The following ERC2 variants were observed in gnomAD, a reference collection of about 807,000 sequenced individuals.
ERC2 encodes ERC protein 2.
A neutral mutation model predicts 114.8 loss-of-function variants in ERC2; 42 were observed. That is an observed-to-expected ratio of 0.37 (90% CI 0.29 to 0.47). The LOEUF (loss-of-function observed/expected upper bound fraction) is 0.47, where lower values mean the gene tolerates loss of function less well. Ranked by LOEUF, ERC2 falls within the 20% of genes least tolerant of loss-of-function variation. ERC2 has a pLI of 0.99. For synonymous variants in ERC2, 454 were observed against 425.5 expected, an observed-to-expected ratio of 1.07 and a Z score of -0.82; for missense variants, 939 against 1,150.7, an observed-to-expected ratio of 0.82 and a Z score of 2.66.
intron 2 of ERC2, among the ~76,000 whole-genome samples, chr3:56,399,453 A>G (rs149505709): frequency 1.3e-5 from 2 of 152,302 alleles, no homozygotes; most frequent in Non-Finnish European, 2.9e-5. Flanking sequence ...ATGGGGAACC[A>G]AGCTGAAAAT....
chr3:55,999,262 T>C (rs2071844141), intron 10 of ERC2, among the ~76,000 whole-genome samples: 1 of 152,184 alleles, frequency 6.6e-6, no homozygotes, highest in East Asian at 1.9e-4. Flanking sequence ...ATAGTTAAGC[T>C]GCAGAAAGGT....
At chr3:56,332,594 G>C (rs2057676011) in intron 2 of ERC2, among the ~76,000 whole-genome samples, 1 of 152,214 alleles carries the variant, frequency 6.6e-6, no homozygotes, top group Non-Finnish European at 1.5e-5. Flanking sequence ...ATATGGGAGT[G>C]GGACACAATA....
chr3:55,806,708 A>C (rs2059507399), intron 14 of ERC2, among the ~76,000 whole-genome samples: 1 of 152,208 alleles, frequency 6.6e-6, no homozygotes, highest in South Asian at 2.1e-4. Flanking sequence ...TGTCCAGCCC[A>C]AAATGCCAAT....
intron 17 of ERC2, among the ~76,000 whole-genome samples, chr3:55,583,407 C>CTTCCTTCCTTCCTTCCTTCCTTCT (rs2057379443): frequency 7.5e-5 from 8 of 106,096 alleles, no homozygotes; most frequent in Non-Finnish European, 1.7e-4. Context: ...TCTTTCCTTC[C>CTTCCTTCCTTCCTTCCTTCCTTCT]TTCCTTCCTT....
At chr3:56,297,478 T>C (rs541375906) in intron 2 of ERC2, among the ~76,000 whole-genome samples, 2 of 152,126 alleles carry the variant, frequency 1.3e-5, no homozygotes, top group Non-Finnish European at 2.9e-5. Context: ...AGAAACAAAA[T>C]AGTTATCAGA....
intron 2 of ERC2, among the ~76,000 whole-genome samples, chr3:56,431,766 G>A (rs540238772): frequency 3.4e-4 from 51 of 152,072 alleles, no homozygotes; most frequent in African/African-American, 9.6e-5. Context: ...AAATCTCTGC[G>A]CTTCTTCCTC....
At chr3:56,429,908 T>A (rs891930736) in intron 2 of ERC2, among the ~76,000 whole-genome samples, 1 of 152,016 alleles carries the variant, frequency 6.6e-6, no homozygotes, top group African/African-American at 2.4e-5. Context: ...TGGGTTCAGC[T>A]CCCTTAGACA....
chr3:55,735,967 C>T (rs1467433746), intron 14 of ERC2, among the ~76,000 whole-genome samples: 1 of 152,162 alleles, frequency 6.6e-6, no homozygotes, highest in Non-Finnish European at 1.5e-5. Context: ...TTCTTTCCTT[C>T]TTTCTCTATC....
intron 2 of ERC2, among the ~76,000 whole-genome samples, chr3:56,309,870 C>T (rs983172242): frequency 2.6e-5 from 4 of 152,144 alleles, no homozygotes; most frequent in African/African-American, 9.7e-5. Context: ...CTCCCTCCTC[C>T]GATTTGGGCA....
intron 14 of ERC2, among the ~76,000 whole-genome samples, chr3:55,788,548 G>A (rs2069704321): frequency 6.6e-6 from 1 of 152,198 alleles, no homozygotes; most frequent in African/African-American, 2.4e-5. Flanking sequence ...GATACACTGA[G>A]TCAAGCATAT....
intron 14 of ERC2, among the ~76,000 whole-genome samples, chr3:55,739,070 T>C (rs1028330473): frequency 1.3e-5 from 2 of 152,216 alleles, no homozygotes. Flanking sequence ...TTCATCCATG[T>C]CCCTGCAAAG....
chr3:56,331,892 C>T (rs1429262518), intron 2 of ERC2, among the ~76,000 whole-genome samples: 1 of 152,102 alleles, frequency 6.6e-6, no homozygotes, highest in Non-Finnish European at 1.5e-5. Flanking sequence ...TAAGAAAAAG[C>T]CTCACTTCTA....
intron 17 of ERC2, among the ~76,000 whole-genome samples, chr3:55,567,332 T>G (rs1454071982): frequency 6.6e-6 from 1 of 152,022 alleles, no homozygotes; most frequent in East Asian, 1.9e-4. Context: ...GCCAGAATGT[T>G]GGGAAAGAGA....
intron 3 of ERC2, among the ~76,000 whole-genome samples, chr3:56,272,330 C>T (rs1360719506): frequency 6.6e-6 from 1 of 152,268 alleles, no homozygotes; most frequent in African/African-American, 2.4e-5. Context: ...CTTTCCTGCT[C>T]TGCCTATCTA....
rs1404691577 is a variant in ERC2, at chr3:55,733,536, T to A, written c.2712+1235A>T. 5.0e-3 allele frequency among the ~76,000 whole-genome samples: 344 copies of A among 68,592 alleles called. 2 individuals carry two copies. Among genetic ancestry groups the A allele is most frequent in the East Asian group, 0.017 (40 of 2,418 alleles). 45.0% of individuals were successfully genotyped at this position (68,592 alleles called of 152,430 possible). Reference sequence around the variant, plus strand: ...TTCTCTCTGTCTCTCATTCTTTCTCTCTCTCTCACACACACACACACACAC... The same window carrying A: ...TTCTCTCTGTCTCTCATTCTTTCTCACTCTCTCACACACACACACACACAC... On this transcript the variant is annotated intron_variant, in intron 15 of 17. Transcript: ENST00000288221.
At chr3:55,770,931 T>A (rs921897153) in intron 14 of ERC2, among the ~76,000 whole-genome samples, 1 of 152,132 alleles carries the variant, frequency 6.6e-6, no homozygotes, top group Non-Finnish European at 1.5e-5. Flanking sequence ...TTGCTGAGAA[T>A]GATGGTTTCT....
At chr3:56,112,579 C>T (rs1038067211) in intron 6 of ERC2, among the ~76,000 whole-genome samples, 2 of 151,998 alleles carry the variant, frequency 1.3e-5, no homozygotes, top group Non-Finnish European at 2.9e-5. Flanking sequence ...CAATTTAGTT[C>T]TGGCTGGTTG....
chr3:55,780,697 A>C (rs933774091), intron 14 of ERC2, among the ~76,000 whole-genome samples: 32 of 152,050 alleles, frequency 2.1e-4, no homozygotes, highest in Admixed American at 2.1e-3. Context: ...AGAAAAGTTC[A>C]CTCCTCTGTG....
intron 12 of ERC2, among the ~76,000 whole-genome samples, chr3:55,962,756 A>T (rs143125475): frequency 6.6e-6 from 1 of 152,346 alleles, no homozygotes; most frequent in East Asian, 1.9e-4. Flanking sequence ...CAAGATTCTC[A>T]ATCATTCTGG....
Sources: gnomAD v4.1 joint callset for allele counts (sites outside exome capture counted in the v4.1 genomes callset) on GRCh38, gnomAD v4.1.1 for gene constraint, MANE v1.5 for transcripts, NCBI Gene and HGNC (gene_info 2026-07-23, HGNC 2026-07-21) for gene names.